The following CSMD3 variants were observed in gnomAD, a reference collection of about 807,000 sequenced individuals.
The protein encoded by CSMD3 is CUB and Sushi multiple domains 3.
CSMD3 carries 177 observed loss-of-function variants against 435.2 expected under a neutral mutation model. The ratio of observed to expected loss-of-function variants is 0.41; its 90% CI spans 0.36 to 0.46. The LOEUF is 0.46. Among genes scored for constraint, CSMD3 ranks in the 20% least tolerant of loss-of-function variants. CSMD3 has a pLI of 0.34. For missense variants in CSMD3, 4,265 were observed against 4,504.6 expected (o/e 0.95, Z 1.52); for synonymous variants, 1,656 against 1,520.5 (o/e 1.09, Z -2.07).
chr8:113,044,511 A>G (rs2087751300), intron 5 of CSMD3, among the ~76,000 whole-genome samples: 1 of 149,264 alleles, frequency 6.7e-6, no homozygotes, highest in Non-Finnish European at 1.5e-5. Flanking sequence ...GAGCAGATAT[A>G]ATCATACAAT....
rs11384093 is a variant in CSMD3 at position 112,382,291 on chromosome 8, C to CAAAAAAA, written c.6031+1269_6031+1275dup. Among the ~76,000 whole-genome samples, 723 of 116,702 alleles carry CAAAAAAA rather than the reference C, an allele frequency of 6.2e-3. 4 individuals carry two copies. Among genetic ancestry groups the CAAAAAAA allele is most frequent in the African/African-American group, 0.022 (664 of 30,170 alleles). 76.6% of individuals were successfully genotyped at this position (116,702 alleles called of 152,430 possible). On this transcript the variant is annotated intron_variant, in intron 37 of 70. Transcript: ENST00000297405. ...AGAGCCAGACCCTGTCTCTAAAATG[C>CAAAAAAA]AAAAAAAAAAAAAAAATTAATAATA...
intron 9 of CSMD3, among the ~76,000 whole-genome samples, chr8:112,939,244 GA>G (rs2083376426): frequency 6.6e-6 from 1 of 152,102 alleles, no homozygotes; most frequent in Admixed American, 6.6e-5. Flanking sequence ...ACTAATGAAT[GA>G]GATAGAAGTG....
chr8:112,459,627 A>G (rs1025179720), intron 32 of CSMD3, among the ~76,000 whole-genome samples: 2 of 152,168 alleles, frequency 1.3e-5, no homozygotes, highest in African/African-American at 4.8e-5. Flanking sequence ...TAGACAATAT[A>G]CTAACAAGAA....
chr8:112,587,029 A>C, intron 23 of CSMD3, 37 bp downstream of exon 23: 1 of 1,497,884 alleles, frequency 6.7e-7, no homozygotes. Context: ...TAATGACTAA[A>C]AATGAACAAT....
chr8:112,472,450 A>T, intron 32 of CSMD3, 141 bp downstream of exon 32: 1 of 662,458 alleles, frequency 1.5e-6, no homozygotes, highest in Non-Finnish European at 2.7e-6. Flanking sequence ...GTATTATTAC[A>T]AAATCACTAT....
intron 4 of CSMD3, among the ~76,000 whole-genome samples, chr8:113,133,070 G>A (rs1052096884): frequency 1.5e-4 from 23 of 151,860 alleles, no homozygotes; most frequent in Admixed American, 3.9e-4. Context: ...TAGACAAATA[G>A]AACCATGTCA....
intron 17 of CSMD3, among the ~76,000 whole-genome samples, chr8:112,663,886 G>C (rs966865852): frequency 6.6e-6 from 1 of 152,080 alleles, no homozygotes; most frequent in African/African-American, 2.4e-5. Flanking sequence ...CTATTATGTA[G>C]GTTGATTCTG....
chr8:112,576,787 C>T (rs1256964510), intron 23 of CSMD3, among the ~76,000 whole-genome samples: 1 of 151,614 alleles, frequency 6.6e-6, no homozygotes, highest in Non-Finnish European at 1.5e-5. Flanking sequence ...ACCTTGGCCT[C>T]CCAAAGTGCT....
At chr8:112,884,272 G>A (rs1486346250) in intron 10 of CSMD3, among the ~76,000 whole-genome samples, 1 of 151,690 alleles carries the variant, frequency 6.6e-6, no homozygotes, top group Non-Finnish European at 1.5e-5. Flanking sequence ...AGTTTTACAA[G>A]TAGTCAACTA....
chr8:113,360,274 T>TC (rs1428560064), intron 1 of CSMD3, among the ~76,000 whole-genome samples: 3 of 152,106 alleles, frequency 2.0e-5, no homozygotes, highest in African/African-American at 7.2e-5. Flanking sequence ...ATACCCTACT[T>TC]CAGCCCTCTA....
At chr8:112,345,271 G>A (rs778805672) in intron 41 of CSMD3, among the ~76,000 whole-genome samples, 74 of 152,110 alleles carry the variant, frequency 4.9e-4, no homozygotes, top group South Asian at 6.2e-4. Flanking sequence ...TCAGAATCTT[G>A]AAGAGATATC....
chr8:112,700,811 C>T (rs2076373785), intron 13 of CSMD3, among the ~76,000 whole-genome samples: 1 of 152,094 alleles, frequency 6.6e-6, no homozygotes, highest in Non-Finnish European at 1.5e-5. Context: ...TGGATAGCAG[C>T]ATCAAATTGT....
intron 1 of CSMD3, among the ~76,000 whole-genome samples, chr8:113,414,904 T>A (rs1384243638): frequency 6.6e-6 from 1 of 152,096 alleles, no homozygotes; most frequent in African/African-American, 2.4e-5. Context: ...AGGCAGAGGT[T>A]GGAGTCAGCT....
intron 22 of CSMD3, among the ~76,000 whole-genome samples, chr8:112,619,809 TAA>T (rs10714703): frequency 4.5e-4 from 68 of 150,496 alleles, no homozygotes; most frequent in African/African-American, 1.4e-3. Flanking sequence ...TCTCCTATCT[TAA>T]AAAAAAAAAT....
intron 4 of CSMD3, among the ~76,000 whole-genome samples, chr8:113,105,650 T>C (rs1329267122): frequency 1.3e-5 from 2 of 151,876 alleles, no homozygotes; most frequent in Non-Finnish European, 2.9e-5. Flanking sequence ...TTGAATGGAG[T>C]ATTCAGTAGA....
chr8:113,403,802 C>T (rs536452617), intron 1 of CSMD3, among the ~76,000 whole-genome samples: 35 of 151,514 alleles, frequency 2.3e-4, no homozygotes, highest in East Asian at 9.7e-4. Context: ...AATTAGAAGG[C>T]CTTTTTCAAC....
At chr8:112,648,746 AT>A (rs1485785541) in intron 19 of CSMD3, among the ~76,000 whole-genome samples, 1 of 152,110 alleles carries the variant, frequency 6.6e-6, no homozygotes, top group African/African-American at 2.4e-5. Flanking sequence ...TTCTTATAAT[AT>A]TGCCTCCATA....
At chr8:112,995,691 A>G (rs889812130) in intron 6 of CSMD3, among the ~76,000 whole-genome samples, 1 of 151,464 alleles carries the variant, frequency 6.6e-6, no homozygotes, top group African/African-American at 2.4e-5. Flanking sequence ...TAGTCAAAAG[A>G]AAAAGGGAGT....
At chr8:112,571,446 A>C (rs1353064214) in intron 24 of CSMD3, among the ~76,000 whole-genome samples, 1 of 152,130 alleles carries the variant, frequency 6.6e-6, no homozygotes, top group African/African-American at 2.4e-5. Context: ...GCACCCCATA[A>C]AATTTCAAAT....
Sources: allele counts gnomAD v4.1 joint callset (sites outside exome capture counted in the v4.1 genomes callset), GRCh38; gene constraint gnomAD v4.1.1; transcripts MANE v1.5; gene names NCBI Gene and HGNC (gene_info 2026-07-23, HGNC 2026-07-21).